The following LARS1 variants were observed in gnomAD, a reference collection of about 807,000 sequenced individuals.
LARS1 encodes leucine--tRNA ligase, cytoplasmic.
Under a neutral mutation model 162.8 loss-of-function variants are expected in LARS1, and 100 were observed. The observed-to-expected ratio is 0.61, with a 90% CI of 0.52 to 0.73. The LOEUF is 0.73. Among genes scored for constraint, LARS1 ranks in the 30% least tolerant of loss-of-function variants. The pLI, the probability that LARS1 is intolerant of heterozygous loss-of-function variation, is 0.00. For synonymous variants in LARS1, 457 were observed against 462.8 expected, an observed-to-expected ratio of 0.99 and a Z score of 0.16; for missense variants, 1,258 against 1,408.9, an observed-to-expected ratio of 0.89 and a Z score of 1.71.
chr5:146,121,913 C>T (rs148289894), intron 30 of LARS1, among the ~76,000 whole-genome samples: 2 of 152,010 alleles, frequency 1.3e-5, no homozygotes, highest in African/African-American at 2.4e-5. Context: ...CACCATGGCA[C>T]GTGTATACCT....
At chr5:146,136,688 G>A (rs1752514324) in intron 21 of LARS1, among the ~76,000 whole-genome samples, 1 of 151,914 alleles carries the variant, frequency 6.6e-6, no homozygotes, top group African/African-American at 2.4e-5. Flanking sequence ...CACCATGTTG[G>A]TCAGGCTGGT....
In LARS1 at chr5:146,157,633, GA is replaced by G. The variant is rs748434788; in HGVS notation, c.840-6del. On this transcript the variant is annotated splice_polypyrimidine_tract_variant and splice_region_variant and intron_variant, in intron 9 of 31. Coordinates refer to ENST00000394434, the MANE Select transcript of LARS1 (RefSeq NM_020117.11). ...ATATTTTTACCTTTCAGGCCACTGA[GA>G]AAAAAAAACAAATATTGATGTAAAA... is the stretch of plus-strand genomic sequence containing the variant. The G allele has an allele frequency of 4.4e-6, 7 of 1,592,774 alleles. No homozygotes were observed. The highest frequency in any genetic ancestry group is 4.1e-5 in the African/African-American group (3 of 73,278).
chr5:146,140,306 T>C, intron 20 of LARS1, 45 bp from the exon 21 acceptor site: 1 of 1,507,498 alleles, frequency 6.6e-7, no homozygotes, highest in Admixed American at 1.8e-5. Context: ...AAAACAAAGA[T>C]GATAGTTCTG....
intron 2 of LARS1, among the ~76,000 whole-genome samples, chr5:146,176,463 A>G (rs950188881): frequency 2.6e-5 from 4 of 151,778 alleles, no homozygotes; most frequent in African/African-American, 9.6e-5. Context: ...AAAAAAAAAA[A>G]AAAAGAAAGA....
chr5:146,126,900 C>G (rs1264720096), intron 27 of LARS1, among the ~76,000 whole-genome samples: 1 of 152,046 alleles, frequency 6.6e-6, no homozygotes, highest in Non-Finnish European at 1.5e-5. Context: ...AACTATCATA[C>G]AAGTTTATAT....
chr5:146,125,711 C>T (rs924282506), intron 28 of LARS1, among the ~76,000 whole-genome samples: 1 of 151,824 alleles, frequency 6.6e-6, no homozygotes, highest in Admixed American at 6.6e-5. Context: ...TTTTTCTGGC[C>T]CCATAGCCTG....
intron 15 of LARS1, 78 bp downstream of exon 15, chr5:146,149,544 G>T (rs1258241177): frequency 3.0e-6 from 3 of 994,836 alleles, no homozygotes; most frequent in African/African-American, 1.6e-5. Flanking sequence ...TTCTACTGTA[G>T]AACTCACTGC....
At chr5:146,143,106 CTA>C in intron 19 of LARS1, 22 bp from the exon 20 acceptor site, 1 of 1,245,242 alleles carries the variant, frequency 8.0e-7, no homozygotes, top group East Asian at 2.6e-5. Context: ...ATAAAACAAA[CTA>C]TTTTATATAT....
intron 5 of LARS1, 152 bp downstream of exon 5, chr5:146,167,976 G>A (rs867788872): frequency 3.7e-5 from 22 of 590,262 alleles, no homozygotes; most frequent in Middle Eastern, 5.2e-4. Flanking sequence ...GAGCCACCGC[G>A]CCTGGCCAGA....
intron 10 of LARS1, among the ~76,000 whole-genome samples, chr5:146,154,922 C>T (rs918712630): frequency 7.2e-5 from 11 of 151,964 alleles, no homozygotes; most frequent in Middle Eastern, 3.4e-3. Context: ...GGCATGATCT[C>T]GGCTCACTGC....
intron 29 of LARS1, 103 bp from the exon 30 acceptor site, chr5:146,122,690 C>T (rs1292830801): frequency 3.7e-6 from 2 of 546,110 alleles, no homozygotes; most frequent in Admixed American, 5.9e-5. Context: ...CTCCAGTTAA[C>T]ATGAAATGGT....
chr5:146,134,749 G>C (rs1040304777), intron 22 of LARS1, among the ~76,000 whole-genome samples: 1 of 152,196 alleles, frequency 6.6e-6, no homozygotes, highest in Non-Finnish European at 1.5e-5. Context: ...AAGAGTTCAA[G>C]ACCAGCCTGG....
At chr5:146,143,791 G>A (rs1752893296) in intron 18 of LARS1, among the ~76,000 whole-genome samples, 2 of 152,148 alleles carry the variant, frequency 1.3e-5, no homozygotes, top group African/African-American at 2.4e-5. Context: ...CTGAGGTCGG[G>A]AGTTCAAGAC....
intron 15 of LARS1, among the ~76,000 whole-genome samples, chr5:146,145,306 A>C (rs963706577): frequency 6.6e-6 from 1 of 152,064 alleles, no homozygotes; most frequent in African/African-American, 2.4e-5. Context: ...GCTGGTCTCG[A>C]ACCCCTGGGC....
chr5:146,117,982 A>C (rs1369352395), intron 31 of LARS1, among the ~76,000 whole-genome samples: 1 of 152,232 alleles, frequency 6.6e-6, no homozygotes, highest in African/African-American at 2.4e-5. Context: ...TAGAACTACA[A>C]TATGATCGAG....
chr5:146,122,192 T>A (rs868744413), intron 30 of LARS1, among the ~76,000 whole-genome samples: 42 of 152,120 alleles, frequency 2.8e-4, no homozygotes, highest in African/African-American at 9.4e-4. Flanking sequence ...ATTTCCAGTA[T>A]TTTTAAATAA....
At position 146,171,464 on chromosome 5, in the gene LARS1, G is replaced by A. The variant is rs117748524; in HGVS notation, c.294+446C>T. On this transcript the variant is annotated intron_variant, in intron 4 of 31. Transcript: ENST00000394434. ...ATATAAAGGAATCCTTTCAACTCTA[G>A]TTTTCTTTCCTATTCTTCATTGAGA... Among the ~76,000 whole-genome samples the A allele has an allele frequency of 4.6e-5, 7 of 152,168 alleles. No individual in the cohort carries two copies. The East Asian group carries it at 1.2e-3, about 25-fold the overall frequency.
In LARS1 at chr5:146,139,803, G is replaced by A. The variant is rs553354982; in HGVS notation, c.2148+401C>T. 7.4e-5 allele frequency: 11 copies of A among 147,840 alleles called. 1 individual carries two copies. In the South Asian group the frequency reaches 2.4e-3, roughly 32 times the overall value. The allele number at this position is 147,840 out of a possible 1,614,324, so 9.2% of individuals were successfully genotyped here. On this transcript the variant is annotated intron_variant, in intron 21 of 31. Coordinates refer to ENST00000394434, the MANE Select transcript of LARS1 (RefSeq NM_020117.11). ...GGCAGGAGAATGGCGTGAACCCAGG[G>A]GGCGGAGCTTGCAGTGAGCCCATAT...
intron 2 of LARS1, among the ~76,000 whole-genome samples, chr5:146,176,448 CA>C (rs34896615): frequency 0.015 from 1,164 of 76,966 alleles, 3 homozygotes; most frequent in African/African-American, 0.042. Flanking sequence ...AAGACTGTCT[CA>C]AAAAAAAAAA....
Sources: allele counts gnomAD v4.1 joint callset (sites outside exome capture counted in the v4.1 genomes callset), GRCh38; gene constraint gnomAD v4.1.1; transcripts MANE v1.5; gene names NCBI Gene and HGNC (gene_info 2026-07-23, HGNC 2026-07-21).